Variants in ITPR2 observed in about 807,000 individuals in gnomAD.
ITPR2 encodes the protein inositol 1,4,5-trisphosphate-gated calcium channel ITPR2.
ITPR2 carries 207 observed loss-of-function variants against 317.1 expected under a neutral mutation model. The observed-to-expected ratio is 0.65, with a 90% CI of 0.58 to 0.73. The LOEUF is 0.73. ITPR2 is among the 30% of genes least tolerant of loss of function. The pLI is 0.00. For missense variants in ITPR2, 2,613 were observed against 3,284.0 expected, an observed-to-expected ratio of 0.80 and a Z score of 4.99; for synonymous variants, 1,156 against 1,149.1, an observed-to-expected ratio of 1.01 and a Z score of -0.12.
intron 15 of ITPR2, among the ~76,000 whole-genome samples, chr12:26,662,597 A>G (rs1013025993): frequency 1.3e-5 from 2 of 152,234 alleles, no homozygotes; most frequent in African/African-American, 4.8e-5. Flanking sequence ...CTAATTTATC[A>G]AACAATAATT....
At chr12:26,769,027 C>CACACACACACACACACACACA (rs55797555) in intron 2 of ITPR2, among the ~76,000 whole-genome samples, 9 of 112,316 alleles carry the variant, frequency 8.0e-5, no homozygotes, top group Non-Finnish European at 1.5e-4. Flanking sequence ...ACACACACAC[C>CACACACACACACACACACACA]CCAATCTCAG....
chr12:26,355,718 A>G (rs1938618294), intron 55 of ITPR2, among the ~76,000 whole-genome samples: 1 of 152,154 alleles, frequency 6.6e-6, no homozygotes, highest in Non-Finnish European at 1.5e-5. Flanking sequence ...CTTTTTCTAG[A>G]AAATCCCTAT....
At chr12:26,499,880 T>TA (rs2136887007) in intron 37 of ITPR2, among the ~76,000 whole-genome samples, 1 of 152,344 alleles carries the variant, frequency 6.6e-6, no homozygotes, top group East Asian at 1.9e-4. Context: ...TATACTTCAC[T>TA]ATATAAAATG....
chr12:26,403,283 C>T (rs1005460042), intron 52 of ITPR2, among the ~76,000 whole-genome samples: 6 of 152,056 alleles, frequency 3.9e-5, no homozygotes, highest in Admixed American at 1.3e-4. Flanking sequence ...AGAAGAAACG[C>T]AAGAGGGTAC....
rs1393181718 is a variant in ITPR2, at chr12:26,597,226, T to A, written c.4003-92A>T. 5.9e-6 allele frequency: 8 copies of A among 1,349,100 alleles called. No homozygotes were observed. The Admixed American group carries it at 8.5e-5, about 14-fold the overall frequency. The allele number at this position is 1,349,100 out of a possible 1,614,324, so 83.6% of individuals were successfully genotyped here. On this transcript the variant is annotated intron_variant, in intron 30 of 56. Transcript: ENST00000381340. ...CTTGATATATCTGGAAACACGTATA[T>A]CTCTTCGTAAAAACATATATAATAC...
chr12:26,498,671 T>C (rs372840321), intron 37 of ITPR2, among the ~76,000 whole-genome samples: 196 of 152,296 alleles, frequency 1.3e-3, no homozygotes, highest in African/African-American at 4.1e-3. Context: ...TAGAAGACAG[T>C]TGGCCCACCT....
intron 1 of ITPR2, among the ~76,000 whole-genome samples, chr12:26,818,961 T>C (rs1390671944): frequency 6.0e-5 from 9 of 149,262 alleles, no homozygotes; most frequent in Admixed American, 5.3e-4. Context: ...ATTGGTATGA[T>C]ATACTTAAAC....
Position 26,366,666 on chromosome 12 carries a change from G to A in ITPR2, c.7857+20768C>T, listed in dbSNP as rs193090017. ...GGAGGGAAGGACCCCCTTGATCTGGGAGGGTGTACTTTAAGCAAATGTTCC... is the reference window on the plus strand; with the variant it reads ...GGAGGGAAGGACCCCCTTGATCTGGAAGGGTGTACTTTAAGCAAATGTTCC... On this transcript the variant is annotated intron_variant, in intron 55 of 56. Coordinates refer to ENST00000381340, the MANE Select transcript of ITPR2 (RefSeq NM_002223.4). 1.0e-3 allele frequency among the ~76,000 whole-genome samples: 156 copies of A among 152,282 alleles called. 1 individual carries two copies. The highest frequency in any genetic ancestry group is 3.5e-3 in the African/African-American group (145 of 41,552).
chr12:26,417,019 T>C (rs1321256272), intron 50 of ITPR2, among the ~76,000 whole-genome samples: 1 of 152,218 alleles, frequency 6.6e-6, no homozygotes, highest in Non-Finnish European at 1.5e-5. Flanking sequence ...AAGCTGATTG[T>C]TCTTTCCATT....
chr12:26,791,229 C>G (rs1315313699), intron 1 of ITPR2, among the ~76,000 whole-genome samples: 1 of 152,132 alleles, frequency 6.6e-6, no homozygotes, highest in Non-Finnish European at 1.5e-5. Flanking sequence ...CTCTTAATAC[C>G]AGACTCACTA....
At chr12:26,669,793 G>A (rs1406923152) in intron 13 of ITPR2, among the ~76,000 whole-genome samples, 1 of 152,256 alleles carries the variant, frequency 6.6e-6, no homozygotes, top group Non-Finnish European at 1.5e-5. Flanking sequence ...CCCTTTCCTA[G>A]TCAAAGAAAG....
chr12:26,535,410 T>C (rs1205031359), intron 37 of ITPR2, among the ~76,000 whole-genome samples: 2 of 152,250 alleles, frequency 1.3e-5, no homozygotes, highest in East Asian at 3.8e-4. Context: ...GACAGTGTTG[T>C]TATGTTCCAT....
chr12:26,790,052 C>A lies in ITPR2; in HGVS notation c.163+105G>T, dbSNP rs779789015. On this transcript the variant is annotated intron_variant, in intron 2 of 56. Coordinates refer to ENST00000381340, the MANE Select transcript of ITPR2 (RefSeq NM_002223.4). Reference sequence around the variant, plus strand: ...GAATTTTCAGTGAACATATTTATATCTGAAAGTTTCACATTGAATAAAGTT... The same window carrying A: ...GAATTTTCAGTGAACATATTTATATATGAAAGTTTCACATTGAATAAAGTT... The A allele has an allele frequency of 2.2e-4, 168 of 777,114 alleles. 1 individual carries two copies. The highest frequency in any genetic ancestry group is 1.7e-3 in the South Asian group (110 of 66,262). 48.1% of individuals were successfully genotyped at this position (777,114 alleles called of 1,614,324 possible).
At chr12:26,671,066 C>A (rs1201437016) in intron 13 of ITPR2, among the ~76,000 whole-genome samples, 1 of 151,864 alleles carries the variant, frequency 6.6e-6, no homozygotes, top group African/African-American at 2.4e-5. Flanking sequence ...ACCAAATCTA[C>A]GTCTGATTGG....
At chr12:26,830,812 T>C (rs1036944592) in intron 1 of ITPR2, among the ~76,000 whole-genome samples, 2 of 152,224 alleles carry the variant, frequency 1.3e-5, no homozygotes, top group Non-Finnish European at 2.9e-5. Flanking sequence ...GCAATGATAA[T>C]TACTACAATA....
intron 34 of ITPR2, among the ~76,000 whole-genome samples, chr12:26,576,006 G>C (rs1300303486): frequency 6.6e-6 from 1 of 152,058 alleles, no homozygotes; most frequent in Admixed American, 6.5e-5. Flanking sequence ...AGAGGAGAGA[G>C]AAAGAAGGAA....
At chr12:26,599,879 A>G in intron 29 of ITPR2, 108 bp downstream of exon 29, 2 of 737,934 alleles carry the variant, frequency 2.7e-6, no homozygotes, top group South Asian at 2.3e-5. Context: ...TTCCACAAGG[A>G]AAAAAAAATG....
intron 55 of ITPR2, among the ~76,000 whole-genome samples, chr12:26,341,723 T>G (rs777357141): frequency 6.6e-6 from 1 of 152,206 alleles, no homozygotes; most frequent in Non-Finnish European, 1.5e-5. Flanking sequence ...CAGCATCTAT[T>G]GTTAGGTATT....
At chr12:26,641,226 G>C (rs1316599338) in intron 21 of ITPR2, among the ~76,000 whole-genome samples, 1 of 150,908 alleles carries the variant, frequency 6.6e-6, no homozygotes, top group Non-Finnish European at 1.5e-5. Flanking sequence ...ACAAAGGAGT[G>C]ATTCTTTGTT....
Sources: allele counts gnomAD v4.1 joint callset (sites outside exome capture counted in the v4.1 genomes callset), GRCh38; gene constraint gnomAD v4.1.1; transcripts MANE v1.5; gene names NCBI Gene and HGNC (gene_info 2026-07-23, HGNC 2026-07-21).